MYPN: variants seen among roughly 807,000 people sequenced by gnomAD.
MYPN encodes the protein sarcomeric protein myopalladin, 145 kDa (MYOP).
MYPN carries 63 observed loss-of-function variants against 129.4 expected under a neutral mutation model. The observed-to-expected ratio is 0.49, with a 90% CI of 0.40 to 0.60. MYPN has a LOEUF of 0.60. MYPN is among the 20% of genes least tolerant of loss of function. The pLI is 0.00. For missense variants in MYPN, 1,596 were observed against 1,635.4 expected, an observed-to-expected ratio of 0.98 and a Z score of 0.42; for synonymous variants, 629 against 600.9, an observed-to-expected ratio of 1.05 and a Z score of -0.68.
At chr10:68,198,941 A>G (rs1459463354) in intron 16 of MYPN, among the ~76,000 whole-genome samples, 2 of 151,898 alleles carry the variant, frequency 1.3e-5, no homozygotes, top group Admixed American at 6.6e-5. Context: ...ACATATACCT[A>G]TGTAACAAAC....
At chr10:68,114,354 T>C (rs1475090992) in intron 1 of MYPN, 1 of 151,298 alleles carries the variant, frequency 6.6e-6, no homozygotes, top group Non-Finnish European at 1.5e-5. Flanking sequence ...TTTCTTTTTT[T>C]TTTTTTTGAC....
chr10:68,152,371 G>A (rs2042786185), intron 6 of MYPN, among the ~76,000 whole-genome samples: 3 of 152,098 alleles, frequency 2.0e-5, no homozygotes, highest in Admixed American at 2.0e-4. Context: ...GCTGAGAGGA[G>A]GGGTCCATTC....
At chr10:68,097,180 A>C (rs1020729919) in intron 1 of MYPN, among the ~76,000 whole-genome samples, 1 of 152,220 alleles carries the variant, frequency 6.6e-6, no homozygotes, top group Non-Finnish European at 1.5e-5. Context: ...GTGAATCTGA[A>C]CTTGATTACT....
chr10:68,172,728 A>C (rs1269296081), intron 10 of MYPN, among the ~76,000 whole-genome samples: 1 of 152,206 alleles, frequency 6.6e-6, no homozygotes, highest in Non-Finnish European at 1.5e-5. Context: ...GTGAGCATAT[A>C]ATCATCATTC....
Position 68,166,662 on chromosome 10 carries a change from A to C in MYPN, c.1969A>C (p.Lys657Gln). ...GCCCCCTCCAGTTCTGGCCAAACCC[A>C]AACTGTAAGTAAAAAGTAGGATGAA... Reference protein sequence around the residue: ...KEPPPVLAKPKLDSTQLQQLH... With the variant: ...KEPPPVLAKPQLDSTQLQQLH... The change falls in exon 10 of 20, where the codon AAA becomes CAA. Residue 657 changes from lysine to glutamine, a missense_variant. Physicochemically the swap from Lys to Gln is moderately conservative, Grantham distance 53 (BLOSUM62 1). Coordinates refer to ENST00000358913, the MANE Select transcript of MYPN (RefSeq NM_032578.4). 1 of 1,614,034 alleles carries C rather than the reference A, an allele frequency of 6.2e-7. No individual in the cohort carries two copies.
chr10:68,191,904 T>C (rs2043519590), intron 13 of MYPN, among the ~76,000 whole-genome samples: 1 of 152,220 alleles, frequency 6.6e-6, no homozygotes, highest in South Asian at 2.1e-4. Context: ...AGGTTTTTGA[T>C]AGAGCCTACA....
intron 13 of MYPN, among the ~76,000 whole-genome samples, chr10:68,189,810 A>G (rs1323880835): frequency 6.6e-6 from 1 of 152,230 alleles, no homozygotes; most frequent in African/African-American, 2.4e-5. Context: ...GCTATCATGA[A>G]TAGTGCTGCA....
At chr10:68,177,971 A>T (rs1158713176) in intron 12 of MYPN, among the ~76,000 whole-genome samples, 2 of 152,218 alleles carry the variant, frequency 1.3e-5, no homozygotes, top group Non-Finnish European at 2.9e-5. Context: ...CATGAAAATA[A>T]ATCAGAAGTC....
chr10:68,181,770 C>T (rs529346113), intron 12 of MYPN, among the ~76,000 whole-genome samples: 1 of 152,140 alleles, frequency 6.6e-6, no homozygotes, highest in Non-Finnish European at 1.5e-5. Context: ...AAGCTTGCTC[C>T]TCACTCTTTA....
At chr10:68,156,456 T>C (rs914513854) in intron 6 of MYPN, among the ~76,000 whole-genome samples, 6 of 152,218 alleles carry the variant, frequency 3.9e-5, no homozygotes, top group African/African-American at 9.6e-5. Context: ...TTCTGTCAAA[T>C]AGTTCTTTAT....
chr10:68,115,083 A>G (rs1345936293), intron 1 of MYPN, among the ~76,000 whole-genome samples: 3 of 151,762 alleles, frequency 2.0e-5, no homozygotes, highest in Admixed American at 2.0e-4. Context: ...ACTTGGTGAA[A>G]CCCTATCTCT....
rs1265697303 is a variant in MYPN at position 68,210,574 on chromosome 10, G to C, written c.*119G>C. On this transcript the variant is annotated 3_prime_UTR_variant, in exon 20 of 20. Transcript: ENST00000358913. Reference sequence around the variant, plus strand: ...TAAGTTCCCACACTGCTGGACCTGTGGCAAAGAGTGCTTTGAATAAGTCAG... The same window carrying C: ...TAAGTTCCCACACTGCTGGACCTGTCGCAAAGAGTGCTTTGAATAAGTCAG... 1.7e-6 allele frequency: 2 copies of C among 1,192,570 alleles called. No individual in the cohort carries two copies. Among genetic ancestry groups the C allele is most frequent in the Non-Finnish European group, 2.5e-6 (2 of 812,042 alleles). 73.9% of individuals were successfully genotyped at this position (1,192,570 alleles called of 1,614,324 possible). A position where few individuals can be genotyped will look rare whatever the true frequency, so the allele number is the denominator to read the frequency against.
At chr10:68,172,527 G>T (rs2043158958) in intron 10 of MYPN, among the ~76,000 whole-genome samples, 1 of 152,064 alleles carries the variant, frequency 6.6e-6, no homozygotes, top group Non-Finnish European at 1.5e-5. Context: ...AGACATTTTT[G>T]TTGCACTTTC....
At chr10:68,090,339 A>G (rs2041925198) in intron 1 of MYPN, among the ~76,000 whole-genome samples, 2 of 151,964 alleles carry the variant, frequency 1.3e-5, no homozygotes, top group South Asian at 4.1e-4. Context: ...ATTTTTTTGT[A>G]TTTTTAGTAG....
chr10:68,164,835 T>A (rs900763426), intron 8 of MYPN, among the ~76,000 whole-genome samples: 2 of 152,196 alleles, frequency 1.3e-5, no homozygotes, highest in Non-Finnish European at 2.9e-5. Flanking sequence ...TAGAAATGCA[T>A]TTCACTCTTC....
chr10:68,127,923 G>A (rs533248791), intron 2 of MYPN, among the ~76,000 whole-genome samples: 3 of 152,282 alleles, frequency 2.0e-5, no homozygotes, highest in South Asian at 4.1e-4. Flanking sequence ...GGCAACTGAA[G>A]CCTAACCTAT....
chr10:68,197,767 C>G (rs2043635742), intron 16 of MYPN, among the ~76,000 whole-genome samples: 1 of 152,038 alleles, frequency 6.6e-6, no homozygotes, highest in Admixed American at 6.6e-5. Flanking sequence ...CACAGTAGTT[C>G]CCCCTTATCT....
In MYPN at chr10:68,210,266, T is replaced by C; in HGVS notation, c.3794-20T>C. ...ACTGCATTCCTTTGATCATAACACATTATTTGGTCCATTTTCCAGCTCAGT... is the reference window on the plus strand; with the variant it reads ...ACTGCATTCCTTTGATCATAACACACTATTTGGTCCATTTTCCAGCTCAGT... On this transcript the variant is annotated intron_variant, in intron 19 of 19. Coordinates refer to ENST00000358913, the MANE Select transcript of MYPN (RefSeq NM_032578.4). 1.2e-6 allele frequency: 2 copies of C among 1,612,454 alleles called. No individual in the cohort carries two copies. The highest frequency in any genetic ancestry group is 8.5e-7 in the Non-Finnish European group (1 of 1,179,824).
intron 10 of MYPN, among the ~76,000 whole-genome samples, chr10:68,171,393 G>C (rs2043142855): frequency 6.6e-6 from 1 of 152,090 alleles, no homozygotes; most frequent in African/African-American, 2.4e-5. Flanking sequence ...GTGGTTGGCA[G>C]ACCCGCTGCA....
Sources: gnomAD v4.1 joint callset for allele counts (sites outside exome capture counted in the v4.1 genomes callset) on GRCh38, gnomAD v4.1.1 for gene constraint, MANE v1.5 for transcripts, NCBI Gene and HGNC (gene_info 2026-07-23, HGNC 2026-07-21) for gene names.